The following RGS7 variants were observed in gnomAD, a reference collection of about 807,000 sequenced individuals.
RGS7 encodes regulator of G protein signaling 7, also known as regulator of G-protein signaling 7.
A neutral mutation model predicts 81.1 loss-of-function variants in RGS7; 27 were observed. The observed-to-expected ratio is 0.33, with a 90% CI of 0.25 to 0.46. The LOEUF (loss-of-function observed/expected upper bound fraction) is 0.46. RGS7 is among the 20% of genes least tolerant of loss of function. The pLI is 1.00. For synonymous variants in RGS7, 208 were observed against 207.7 expected (o/e 1.00, Z -0.01); for missense variants, 396 against 607.4 (o/e 0.65, Z 3.66).
chr1:240,854,793 T>G (rs1016692055), intron 9 of RGS7, among the ~76,000 whole-genome samples: 3 of 152,206 alleles, frequency 2.0e-5, no homozygotes, highest in African/African-American at 7.2e-5. Flanking sequence ...TCACTTACTT[T>G]AGTACTTCAC....
intron 14 of RGS7, among the ~76,000 whole-genome samples, chr1:240,808,876 CT>C (rs1173765567): frequency 8.9e-5 from 7 of 78,290 alleles, no homozygotes; most frequent in Non-Finnish European, 1.9e-4. Flanking sequence ...TCCCATCTCT[CT>C]TAAAAAAAAA....
At chr1:241,221,013 G>GA (rs1457397673) in intron 2 of RGS7, among the ~76,000 whole-genome samples, 43 of 101,908 alleles carry the variant, frequency 4.2e-4, no homozygotes, top group African/African-American at 1.3e-3. Context: ...GAGAAAGGAA[G>GA]GAAGGAAGGA....
chr1:241,171,477 A>C (rs6429244), intron 2 of RGS7, among the ~76,000 whole-genome samples: 126,458 of 152,160 alleles, frequency 0.83, 53,100 homozygotes, highest in East Asian at 0.99. Context: ...TTAATTCAAT[A>C]GACTCATTTA....
intron 2 of RGS7, among the ~76,000 whole-genome samples, chr1:241,315,427 A>T (rs1460334062): frequency 1.3e-5 from 2 of 152,152 alleles, no homozygotes; most frequent in East Asian, 3.9e-4. Context: ...CATTTAAAAA[A>T]TTTGATGATT....
chr1:240,892,765 G>A (rs955867304), intron 6 of RGS7, among the ~76,000 whole-genome samples: 3 of 152,052 alleles, frequency 2.0e-5, no homozygotes, highest in African/African-American at 7.2e-5. Context: ...CATGAGCCGT[G>A]TTCTGTTTTC....
chr1:240,890,302 G>A (rs1019525017), intron 6 of RGS7, among the ~76,000 whole-genome samples: 3 of 151,992 alleles, frequency 2.0e-5, no homozygotes, highest in Non-Finnish European at 2.9e-5. Context: ...ACAGGCGTGC[G>A]CCACCACACC....
At chr1:241,069,729 A>T (rs1014982800) in intron 3 of RGS7, among the ~76,000 whole-genome samples, 1 of 152,200 alleles carries the variant, frequency 6.6e-6, no homozygotes, top group Admixed American at 6.5e-5. Context: ...TCCTTCACTG[A>T]CATATTTCCG....
At chr1:240,799,234 T>G (rs1321096310) in intron 18 of RGS7, among the ~76,000 whole-genome samples, 1 of 149,974 alleles carries the variant, frequency 6.7e-6, no homozygotes, top group South Asian at 2.1e-4. Flanking sequence ...CAACAGTGTC[T>G]GAAAGTTATT....
At chr1:241,037,720 CAAAA>C (rs34194641) in intron 3 of RGS7, among the ~76,000 whole-genome samples, 2 of 130,294 alleles carry the variant, frequency 1.5e-5, no homozygotes, top group Non-Finnish European at 3.3e-5. Flanking sequence ...GACTCCATCT[CAAAA>C]AAAAAAAAAA....
chr1:240,993,021 TA>T (rs1010143202), intron 3 of RGS7, among the ~76,000 whole-genome samples: 1 of 131,280 alleles, frequency 7.6e-6, no homozygotes, highest in African/African-American at 2.9e-5. Flanking sequence ...TCTCAAAAAT[TA>T]AAATGAAATT....
intron 2 of RGS7, among the ~76,000 whole-genome samples, chr1:241,142,796 A>AT (rs1268237601): frequency 2.0e-5 from 3 of 151,984 alleles, no homozygotes; most frequent in South Asian, 4.2e-4. Flanking sequence ...AGCCAGCTTG[A>AT]TTTTCTCCTC....
At position 241,091,833 on chromosome 1, in the gene RGS7, G is replaced by A. The variant is rs549921132; in HGVS notation, c.175+6833C>T. ...GCCCAGGAATTTGAGGCTGGAGTGA[G>A]CCATGACTGTGCCACTGTGCTCCAG... On this transcript the variant is annotated intron_variant, in intron 3 of 18. Transcript: ENST00000440928. 1.8e-4 allele frequency among the ~76,000 whole-genome samples: 27 copies of A among 152,152 alleles called. No individual in the cohort carries two copies. In the South Asian group the frequency reaches 5.6e-3, roughly 32 times the overall value.
At chr1:241,013,907 G>T (rs1307732110) in intron 3 of RGS7, among the ~76,000 whole-genome samples, 2 of 152,202 alleles carry the variant, frequency 1.3e-5, no homozygotes, top group Non-Finnish European at 2.9e-5. Flanking sequence ...CCAAGAGTCA[G>T]CATATTAATG....
intron 2 of RGS7, among the ~76,000 whole-genome samples, chr1:241,311,445 C>T (rs1195553280): frequency 6.6e-6 from 1 of 152,104 alleles, no homozygotes; most frequent in Admixed American, 6.5e-5. Flanking sequence ...TCTATCCTGA[C>T]AAAGACCTGA....
intron 2 of RGS7, among the ~76,000 whole-genome samples, chr1:241,237,856 A>G (rs948519841): frequency 7.2e-5 from 11 of 152,236 alleles, no homozygotes; most frequent in Admixed American, 1.3e-4. Context: ...ACTGTGTTGT[A>G]GAATCCTTTG....
intron 6 of RGS7, among the ~76,000 whole-genome samples, chr1:240,885,202 T>C (rs1200040579): frequency 6.6e-6 from 1 of 152,060 alleles, no homozygotes; most frequent in African/African-American, 2.4e-5. Context: ...CACAATGACA[T>C]ACCATCTCAC....
chr1:240,778,689 C>T (rs1391715960), intron 18 of RGS7, among the ~76,000 whole-genome samples: 4 of 152,128 alleles, frequency 2.6e-5, no homozygotes, highest in East Asian at 1.9e-4. Context: ...CCTGCCACCA[C>T]GCCTGGCTAA....
intron 3 of RGS7, among the ~76,000 whole-genome samples, chr1:240,993,226 G>A (rs1345583329): frequency 6.8e-6 from 1 of 147,406 alleles, no homozygotes; most frequent in Non-Finnish European, 1.5e-5. Context: ...AGGAAGGAAG[G>A]AAAGAAGGAG....
intron 6 of RGS7, among the ~76,000 whole-genome samples, chr1:240,922,258 A>G (rs1673683722): frequency 6.6e-6 from 1 of 152,112 alleles, no homozygotes; most frequent in Non-Finnish European, 1.5e-5. Context: ...ATAAACTGTA[A>G]AACTATAAAA....
Sources: allele counts gnomAD v4.1 joint callset (sites outside exome capture counted in the v4.1 genomes callset), GRCh38; gene constraint gnomAD v4.1.1; transcripts MANE v1.5; gene names NCBI Gene and HGNC (gene_info 2026-07-23, HGNC 2026-07-21).